UMAD1: variants seen among roughly 807,000 people sequenced by gnomAD.
The protein encoded by UMAD1 is UBAP1-MVB12-associated (UMA)-domain containing protein 1.
A neutral mutation model predicts 6.1 loss-of-function variants in UMAD1; 8 were observed. That is an observed-to-expected ratio of 1.30 (90% CI 0.76 to 2.35). The LOEUF is 2.35. Among genes scored for constraint, UMAD1 ranks in the 30% most tolerant of loss-of-function variants. The pLI, the probability that UMAD1 is intolerant of heterozygous loss-of-function variation, is 0.00. For missense variants in UMAD1, 130 were observed against 78.4 expected (o/e 1.66, Z -2.49); for synonymous variants, 56 against 31.4 (o/e 1.78, Z -2.61).
chr7:7,675,937 G>A (rs902786885), intron 2 of UMAD1, among the ~76,000 whole-genome samples: 1 of 152,158 alleles, frequency 6.6e-6, no homozygotes, highest in African/African-American at 2.4e-5. Flanking sequence ...CAGGTGCAAA[G>A]CTCCACCCCT....
At chr7:7,802,159 C>T (rs1331890465) in intron 3 of UMAD1, among the ~76,000 whole-genome samples, 1 of 152,210 alleles carries the variant, frequency 6.6e-6, no homozygotes, top group African/African-American at 2.4e-5. Flanking sequence ...GCGGGTAGAT[C>T]ACGAGGTCAA....
At chr7:7,810,911 A>G (rs1311984277) in intron 3 of UMAD1, among the ~76,000 whole-genome samples, 5 of 152,172 alleles carry the variant, frequency 3.3e-5, no homozygotes, top group Admixed American at 3.3e-4. Context: ...TCTGACCACA[A>G]TTTGTCAAAA....
At chr7:7,848,827 A>G (rs1783858935) in intron 3 of UMAD1, among the ~76,000 whole-genome samples, 1 of 152,172 alleles carries the variant, frequency 6.6e-6, no homozygotes, top group African/African-American at 2.4e-5. Context: ...TAAGCTATCC[A>G]TATGCTGGCA....
chr7:7,812,576 A>T (rs1783040767), intron 3 of UMAD1, among the ~76,000 whole-genome samples: 1 of 152,180 alleles, frequency 6.6e-6, no homozygotes, highest in Admixed American at 6.5e-5. Flanking sequence ...AGAAGGAGGA[A>T]TCAAAATGTG....
At chr7:7,761,523 T>G (rs2115231892) in intron 2 of UMAD1, among the ~76,000 whole-genome samples, 1 of 152,360 alleles carries the variant, frequency 6.6e-6, no homozygotes, top group South Asian at 2.1e-4. Flanking sequence ...CACATCCTTG[T>G]GCAGTACACA....
At chr7:7,805,931 A>G (rs1343993655) in intron 3 of UMAD1, among the ~76,000 whole-genome samples, 1 of 152,228 alleles carries the variant, frequency 6.6e-6, no homozygotes, top group African/African-American at 2.4e-5. Flanking sequence ...TCTCCTGACT[A>G]GAATGAAAAC....
At chr7:7,745,599 C>T (rs1027784118) in intron 2 of UMAD1, among the ~76,000 whole-genome samples, 1 of 152,128 alleles carries the variant, frequency 6.6e-6, no homozygotes, top group Non-Finnish European at 1.5e-5. Flanking sequence ...TATAGTCTAG[C>T]GAACAGGTCA....
At chr7:7,744,880 A>G (rs1191555729) in intron 2 of UMAD1, among the ~76,000 whole-genome samples, 2 of 152,116 alleles carry the variant, frequency 1.3e-5, no homozygotes, top group Non-Finnish European at 2.9e-5. Context: ...TTGTCTTTTC[A>G]TAATACAGTT....
chr7:7,760,621 G>A (rs1223915562), intron 2 of UMAD1, among the ~76,000 whole-genome samples: 1 of 152,000 alleles, frequency 6.6e-6, no homozygotes, highest in Non-Finnish European at 1.5e-5. Context: ...CTTATGGCAG[G>A]AAGACTGAGT....
chr7:7,660,033 T>G (rs943522560), intron 1 of UMAD1, among the ~76,000 whole-genome samples: 1 of 152,258 alleles, frequency 6.6e-6, no homozygotes, highest in Non-Finnish European at 1.5e-5. Context: ...TCTTGTTGCA[T>G]TGATCCCTTT....
At chr7:7,852,581 A>G (rs1178282290) in intron 3 of UMAD1, among the ~76,000 whole-genome samples, 2 of 152,172 alleles carry the variant, frequency 1.3e-5, no homozygotes, top group African/African-American at 4.8e-5. Flanking sequence ...ACTGATTATT[A>G]CAAAGGATAT....
At chr7:7,831,199 C>G (rs1783459426) in intron 3 of UMAD1, among the ~76,000 whole-genome samples, 1 of 152,116 alleles carries the variant, frequency 6.6e-6, no homozygotes, top group Admixed American at 6.6e-5. Context: ...CTGTTTTAGC[C>G]TCTAACCCAT....
At chr7:7,784,597 G>A (rs1055172998) in intron 2 of UMAD1, among the ~76,000 whole-genome samples, 11 of 151,340 alleles carry the variant, frequency 7.3e-5, no homozygotes, top group African/African-American at 7.3e-5. Flanking sequence ...CGCCCTCCTC[G>A]GCGTCCCAGA....
At chr7:7,641,389 C>T (rs7792009) in intron 1 of UMAD1, 38,142 of 152,148 alleles carry the variant, frequency 0.25, 6,358 homozygotes, top group East Asian at 0.75. Context: ...GTTCCCCGAG[C>T]TAGGGTTCTC....
intron 3 of UMAD1, among the ~76,000 whole-genome samples, chr7:7,807,239 A>C (rs543502072): frequency 1.9e-3 from 287 of 152,300 alleles, no homozygotes; most frequent in African/African-American, 6.6e-3. Context: ...GAGTCAAAAA[A>C]GGCATCATGC....
chr7:7,782,928 T>G (rs1782377948), intron 2 of UMAD1, among the ~76,000 whole-genome samples: 1 of 152,198 alleles, frequency 6.6e-6, no homozygotes, highest in Non-Finnish European at 1.5e-5. Flanking sequence ...AGACAGGGTT[T>G]TGCCATGTTG....
chr7:7,687,759 A>C (rs2115132419), intron 2 of UMAD1, among the ~76,000 whole-genome samples: 1 of 152,378 alleles, frequency 6.6e-6, no homozygotes, highest in East Asian at 1.9e-4. Flanking sequence ...ACATATTTTT[A>C]ATGATAAGTA....
chr7:7,701,694 C>T (rs1429134751), intron 2 of UMAD1, among the ~76,000 whole-genome samples: 1 of 152,082 alleles, frequency 6.6e-6, no homozygotes. Context: ...AAGAGAATGA[C>T]AGGGTATTTA....
At chr7:7,839,589 T>C (rs1042978800) in intron 3 of UMAD1, among the ~76,000 whole-genome samples, 3 of 152,030 alleles carry the variant, frequency 2.0e-5, no homozygotes, top group Admixed American at 1.3e-4. Context: ...TCTTTGTAAA[T>C]AGGACTTACA....
Sources: allele counts gnomAD v4.1 joint callset (sites outside exome capture counted in the v4.1 genomes callset), GRCh38; gene constraint gnomAD v4.1.1; transcripts MANE v1.5; gene names NCBI Gene and HGNC (gene_info 2026-07-23, HGNC 2026-07-21).